RAD17: variants seen among roughly 807,000 people sequenced by gnomAD.
The protein encoded by RAD17 is RAD17 checkpoint clamp loader component.
RAD17 carries 31 observed loss-of-function variants against 81.5 expected under a neutral mutation model. The ratio of observed to expected loss-of-function variants is 0.38; its 90% CI spans 0.29 to 0.51. The LOEUF is 0.51. RAD17 is among the 20% of genes least tolerant of loss of function. The probability of loss-of-function intolerance (pLI) is 0.88; values close to 1 mark genes in which losing one functional copy is unlikely to be tolerated. For missense variants in RAD17, 681 were observed against 781.2 expected (o/e 0.87, Z 1.53); for synonymous variants, 261 against 266.2 (o/e 0.98, Z 0.19).
At chr5:69,390,164 T>G (rs913519012) in intron 12 of RAD17, among the ~76,000 whole-genome samples, 4 of 152,232 alleles carry the variant, frequency 2.6e-5, no homozygotes, top group Non-Finnish European at 5.9e-5. Context: ...TACTTAATGC[T>G]TAACGTTGAT....
chr5:69,376,738 T>G (rs1445069236), intron 6 of RAD17, among the ~76,000 whole-genome samples: 1 of 148,720 alleles, frequency 6.7e-6, no homozygotes, highest in Admixed American at 7.0e-5. Flanking sequence ...TTTTAGTTGC[T>G]TTGATGGTAA....
At chr5:69,370,026 C>T in intron 1 of RAD17, 93 bp downstream of exon 1, 2 of 365,630 alleles carry the variant, frequency 5.5e-6, no homozygotes, top group African/African-American at 2.1e-5. Flanking sequence ...CTCGTCGCTC[C>T]TCCTCCCGAC....
intron 12 of RAD17, among the ~76,000 whole-genome samples, chr5:69,390,054 TGTA>T (rs913026443): frequency 6.6e-6 from 1 of 152,196 alleles, no homozygotes; most frequent in Non-Finnish European, 1.5e-5. Flanking sequence ...TGTAGAAAGA[TGTA>T]GTAAAAAGAT....
chr5:69,395,942 G>A (rs1304182227), intron 15 of RAD17, among the ~76,000 whole-genome samples: 1 of 152,208 alleles, frequency 6.6e-6, no homozygotes, highest in Non-Finnish European at 1.5e-5. Flanking sequence ...TGATATAACT[G>A]GCCTCTCAAA....
chr5:69,371,265 T>C (rs921431097), intron 2 of RAD17, 94 bp downstream of exon 2: 3 of 578,082 alleles, frequency 5.2e-6, no homozygotes, highest in Non-Finnish European at 9.5e-6. Flanking sequence ...AGTAGATTAT[T>C]TGATACAGTT....
intron 6 of RAD17, among the ~76,000 whole-genome samples, chr5:69,379,877 GT>G (rs1490573553): frequency 6.6e-6 from 1 of 151,444 alleles, no homozygotes; most frequent in African/African-American, 2.4e-5. Flanking sequence ...CTGTTTTATA[GT>G]TAACTTCTTT....
intron 13 of RAD17, 197 bp from the exon 14 acceptor site, chr5:69,392,958 G>A: frequency 1.9e-6 from 1 of 528,912 alleles, no homozygotes; most frequent in Non-Finnish European, 3.4e-6. Context: ...CTAAGCATCA[G>A]AATTGTTAAT....
intron 17 of RAD17, among the ~76,000 whole-genome samples, chr5:69,406,282 C>G (rs1336277696): frequency 6.6e-6 from 1 of 151,908 alleles, no homozygotes; most frequent in Non-Finnish European, 1.5e-5. Flanking sequence ...ATGAAATAAG[C>G]CAGGCACAGA....
At chr5:69,396,663 T>A in intron 16 of RAD17, 117 bp downstream of exon 16, 1 of 1,147,816 alleles carries the variant, frequency 8.7e-7, no homozygotes, top group Non-Finnish European at 1.2e-6. Context: ...ATTTCATTTT[T>A]AATAAAATAG....
chr5:69,395,545 T>A (rs761532485), intron 15 of RAD17, among the ~76,000 whole-genome samples: 2 of 152,110 alleles, frequency 1.3e-5, no homozygotes, highest in Non-Finnish European at 2.9e-5. Context: ...AAGAGTATAA[T>A]TGACTTGTTT....
intron 16 of RAD17, among the ~76,000 whole-genome samples, chr5:69,397,076 C>T (rs563463669): frequency 2.0e-5 from 3 of 152,260 alleles, no homozygotes; most frequent in Admixed American, 2.0e-4. Flanking sequence ...TCATGATCCT[C>T]TTGCCTTGGC....
chr5:69,407,356 T>C (rs1324958227), intron 17 of RAD17, among the ~76,000 whole-genome samples: 3 of 152,026 alleles, frequency 2.0e-5, no homozygotes, highest in African/African-American at 7.2e-5. Context: ...AAAAGTAAGA[T>C]GTTTTGGTTT....
chr5:69,384,692 A>G lies in RAD17; in HGVS notation c.509-105A>G, dbSNP rs981362996. The G allele has an allele frequency of 1.1e-5, 11 of 1,038,840 alleles. No homozygotes were observed. In the African/African-American group the frequency reaches 1.5e-4, roughly 14 times the overall value. 64.4% of individuals were successfully genotyped at this position (1,038,840 alleles called of 1,614,324 possible). On this transcript the variant is annotated intron_variant, in intron 7 of 18. Transcript: ENST00000354868. ...ATTTTTCCTAATTGGGAAATAGTCT[A>G]CAGTATTGTGAGATGCATCAAGTAT...
Position 69,414,351 on chromosome 5 carries a change from T to A in RAD17, c.*59T>A. The stretch of plus-strand genomic sequence containing the variant: ...GCTTCATTTTTGTTTCATTCAGTGG[T>A]ACTTCAGCAGAGTTAATATGCTTTT... On this transcript the variant is annotated 3_prime_UTR_variant, in exon 19 of 19. Coordinates refer to ENST00000354868, the MANE Select transcript of RAD17 (RefSeq NM_133338.3). 6.5e-7 allele frequency: 1 copy of A among 1,536,894 alleles called. No individual in the cohort carries two copies. Among genetic ancestry groups the A allele is most frequent in the African/African-American group, 1.4e-5 (1 of 72,906 alleles).
intron 6 of RAD17, among the ~76,000 whole-genome samples, chr5:69,377,119 G>T (rs1226068030): frequency 6.6e-6 from 1 of 152,024 alleles, no homozygotes; most frequent in Non-Finnish European, 1.5e-5. Flanking sequence ...TTGGTTTAGG[G>T]CTAAGATCAT....
chr5:69,398,882 A>AAAAAG (rs1765071486), intron 16 of RAD17, among the ~76,000 whole-genome samples: 1 of 149,856 alleles, frequency 6.7e-6, no homozygotes, highest in Non-Finnish European at 1.5e-5. Context: ...AAAAAAAAAA[A>AAAAAG]AAAAAAGAGG....
Position 69,383,144 on chromosome 5 carries a change from C to T in RAD17, c.508+1087C>T, listed in dbSNP as rs565373215. ...TCATGCATATGCTTATGTACCTTAG[C>T]ACTATCATTTTTATCTTTCATAGTT... is the stretch of plus-strand genomic sequence containing the variant. On this transcript the variant is annotated intron_variant, in intron 7 of 18. Coordinates refer to ENST00000354868, the MANE Select transcript of RAD17 (RefSeq NM_133338.3). Among the ~76,000 whole-genome samples the T allele has an allele frequency of 2.6e-5, 4 of 152,192 alleles. No individual in the cohort carries two copies. The South Asian group carries it at 8.3e-4, about 32-fold the overall frequency.
intron 15 of RAD17, among the ~76,000 whole-genome samples, chr5:69,394,808 C>T (rs1333033141): frequency 6.6e-6 from 1 of 152,196 alleles, no homozygotes; most frequent in Non-Finnish European, 1.5e-5. Flanking sequence ...CACCTGTAAA[C>T]CCAGCACTTA....
At chr5:69,401,362 T>C (rs1177046441) in intron 17 of RAD17, among the ~76,000 whole-genome samples, 1 of 152,222 alleles carries the variant, frequency 6.6e-6, no homozygotes, top group Non-Finnish European at 1.5e-5. Context: ...TGTCACTTAC[T>C]GTGGATAGCC....
Sources: allele counts gnomAD v4.1 joint callset (sites outside exome capture counted in the v4.1 genomes callset), GRCh38; gene constraint gnomAD v4.1.1; transcripts MANE v1.5; gene names NCBI Gene and HGNC (gene_info 2026-07-23, HGNC 2026-07-21).